PUM3: variants seen among roughly 807,000 people sequenced by gnomAD.
PUM3 encodes pumilio RNA binding family member 3, also known as pumilio homolog 3.
In PUM3, 91 loss-of-function variants were observed where a neutral mutation model predicts 84.0. The observed-to-expected ratio is 1.08, with a 90% CI of 0.91 to 1.29. The LOEUF (loss-of-function observed/expected upper bound fraction) is 1.29, where lower values mean the gene tolerates loss of function less well. Ranked by LOEUF, PUM3 falls within the 50% of genes most tolerant of loss-of-function variation. The pLI is 0.00. For synonymous variants in PUM3, 321 were observed against 266.7 expected (o/e 1.20, Z -1.98); for missense variants, 1,067 against 767.5 (o/e 1.39, Z -4.61).
intron 17 of PUM3, among the ~76,000 whole-genome samples, chr9:2,806,996 C>A (rs1821271985): frequency 6.6e-6 from 1 of 151,858 alleles, no homozygotes; most frequent in South Asian, 2.1e-4. Context: ...ATCACGAGGT[C>A]AGGAGATCGA....
intron 1 of PUM3, among the ~76,000 whole-genome samples, chr9:2,842,390 G>A (rs953320550): frequency 6.6e-6 from 1 of 152,072 alleles, no homozygotes; most frequent in Admixed American, 6.5e-5. Context: ...TCAGGAAAAA[G>A]TTCCAACTCA....
Position 2,814,364 on chromosome 9 carries a change from T to C in PUM3, c.1270-2002A>G, listed in dbSNP as rs1208358316. ...GTAGCTGGGACTATAGGCTGCACTA[T>C]GACACCCAGCTTATTTTTGTATTTT... On this transcript the variant is annotated intron_variant, in intron 13 of 17. Transcript: ENST00000397885. Among the ~76,000 whole-genome samples the C allele has an allele frequency of 3.3e-5, 5 of 152,084 alleles. No homozygotes were observed. The South Asian group carries it at 8.3e-4, about 25-fold the overall frequency.
In PUM3 at chr9:2,811,514, C is replaced by G. The variant is rs1046579222; in HGVS notation, c.1482G>C (p.Leu494=). The change falls in exon 15 of 18, where the codon CTG becomes CTC. Residue 494 remains leucine (L), a synonymous_variant. Transcript: ENST00000397885. ...GCACCACTTCTTGGGCGTGTTCTTG[C>G]AGGTAGCTTAACAAAGCTGGAGAAA... ...ESISPALLSY[L]QEHAQEVVLD... is the part of the protein sequence containing the mutation. 1 of 1,614,164 alleles carries G rather than the reference C, an allele frequency of 6.2e-7. No individual in the cohort carries two copies. Among genetic ancestry groups the G allele is most frequent in the Admixed American group, 1.7e-5 (1 of 60,022 alleles).
intron 13 of PUM3, among the ~76,000 whole-genome samples, chr9:2,816,840 A>T (rs1323368458): frequency 2.0e-5 from 3 of 152,232 alleles, no homozygotes; most frequent in African/African-American, 7.2e-5. Context: ...TGCTGATTAC[A>T]CTAGAGCTTA....
chr9:2,818,814 C>G (rs1391939343), intron 13 of PUM3, among the ~76,000 whole-genome samples: 1 of 152,184 alleles, frequency 6.6e-6, no homozygotes, highest in Non-Finnish European at 1.5e-5. Context: ...AATTCACACA[C>G]ACTGGGACCT....
intron 13 of PUM3, among the ~76,000 whole-genome samples, chr9:2,815,729 T>G (rs1024137534): frequency 3.3e-5 from 5 of 152,196 alleles, no homozygotes. Flanking sequence ...TAAAGCTAGC[T>G]GAGTCATGAG....
intron 10 of PUM3, 88 bp from the exon 11 acceptor site, chr9:2,824,903 G>A (rs878957331): frequency 1.2e-6 from 1 of 809,832 alleles, no homozygotes; most frequent in South Asian, 3.4e-5. Context: ...GGGCAGTTAT[G>A]CAGAGAGAAG....
At chr9:2,842,712 G>A (rs1279258279) in intron 1 of PUM3, among the ~76,000 whole-genome samples, 1 of 151,916 alleles carries the variant, frequency 6.6e-6, no homozygotes, top group East Asian at 1.9e-4. Flanking sequence ...ACTTCTCCTT[G>A]GGGTCCAAAC....
chr9:2,824,832 G>A lies in PUM3; in HGVS notation c.1036-17C>T, dbSNP rs1164121166. 3.4e-6 allele frequency: 5 copies of A among 1,492,496 alleles called. No individual in the cohort carries two copies. The highest frequency in any genetic ancestry group is 1.9e-5 in the Admixed American group (1 of 52,632). The allele number at this position is 1,492,496 out of a possible 1,614,324, so 92.5% of individuals were successfully genotyped here. On this transcript the variant is annotated splice_polypyrimidine_tract_variant and intron_variant, in intron 10 of 17. Transcript: ENST00000397885. ...AATCATTTCCTAGGGAACAAATGCT[G>A]TCAGGAACAGGGCTCTGCTTTATTT...
Position 2,824,771 on chromosome 9 carries a change from G to A in PUM3, c.1080C>T (p.His360=), listed in dbSNP as rs1815763814. ...AIREAVVYLA[H]THDGARVAMH... is the part of the protein sequence containing the mutation. ...TGGCCACTCTGGCGCCATCGTGTGT[G>A]TGTGCCAGGTAGACCACCGCTTCGC... The change falls in exon 11 of 18, where the codon CAC becomes CAT. Residue 360 remains histidine, a synonymous_variant. Coordinates refer to ENST00000397885, the MANE Select transcript of PUM3 (RefSeq NM_014878.5). 5.0e-6 allele frequency: 8 copies of A among 1,587,432 alleles called. No homozygotes were observed. Among genetic ancestry groups the A allele is most frequent in the Non-Finnish European group, 6.0e-6 (7 of 1,162,818 alleles).
At chr9:2,804,977 T>C (rs117151807) in intron 17 of PUM3, among the ~76,000 whole-genome samples, 1,776 of 152,268 alleles carry the variant, frequency 0.012, 26 homozygotes, top group Middle Eastern at 0.048. Context: ...AGCACTAACA[T>C]TGAGTGAAAG....
rs190147284 is a variant in PUM3, at chr9:2,823,810, T to A, written c.1159A>T (p.Met387Leu). Residue 387 changes from methionine (M) to leucine (L), a missense_variant, in exon 12 of 18, where the codon ATG becomes TTG. Met to Leu is a conservative substitution (Grantham distance 15, BLOSUM62 2). Coordinates refer to ENST00000397885, the MANE Select transcript of PUM3 (RefSeq NM_014878.5). ...PKDRKVIVKT[M>L]KTYVEKVANG... ...GCCACCTTTTCAACATAAGTCTTCA[T>A]TGTTTTCACAATCACTTTCCTGTCC... The A allele has an allele frequency of 2.6e-6, 4 of 1,529,632 alleles. No individual in the cohort carries two copies. The highest frequency in any genetic ancestry group is 3.6e-6 in the Non-Finnish European group (4 of 1,120,176). The allele number at this position is 1,529,632 out of a possible 1,614,324, so 94.8% of individuals were successfully genotyped here.
At chr9:2,806,905 G>C (rs1371014483) in intron 17 of PUM3, among the ~76,000 whole-genome samples, 3 of 152,106 alleles carry the variant, frequency 2.0e-5, no homozygotes, top group Non-Finnish European at 4.4e-5. Context: ...AGGGATGTAA[G>C]TTATTCATTA....
chr9:2,841,840 CAG>C (rs1816274995), intron 1 of PUM3, among the ~76,000 whole-genome samples: 1 of 152,098 alleles, frequency 6.6e-6, no homozygotes, highest in African/African-American at 2.4e-5. Flanking sequence ...GAAATGCTGG[CAG>C]ATTTATTAAA....
chr9:2,843,040 T>C (rs923305120), intron 1 of PUM3, among the ~76,000 whole-genome samples: 2 of 152,192 alleles, frequency 1.3e-5, no homozygotes, highest in African/African-American at 4.8e-5. Context: ...ATACAATCTC[T>C]TGAGCTTCCA....
intron 1 of PUM3, among the ~76,000 whole-genome samples, chr9:2,842,456 A>T (rs1446349728): frequency 6.6e-6 from 1 of 152,204 alleles, no homozygotes; most frequent in Non-Finnish European, 1.5e-5. Flanking sequence ...TCACCACCAC[A>T]CAGGAGCCAC....
chr9:2,836,924 C>A (rs1314547763), intron 3 of PUM3, among the ~76,000 whole-genome samples: 1 of 152,076 alleles, frequency 6.6e-6, no homozygotes. Flanking sequence ...TATTGAGGTT[C>A]CACTGTATAA....
At chr9:2,810,707 G>A (rs943470761) in intron 15 of PUM3, among the ~76,000 whole-genome samples, 3 of 152,198 alleles carry the variant, frequency 2.0e-5, no homozygotes, top group Non-Finnish European at 2.9e-5. Flanking sequence ...CTGAACAGTA[G>A]CAGCACAAGG....
In PUM3 at chr9:2,812,300, G is replaced by C; in HGVS notation, c.1332C>G (p.Tyr444Ter). The C allele has an allele frequency of 6.2e-7, 1 of 1,604,304 alleles. No individual in the cohort carries two copies. The highest frequency in any genetic ancestry group is 8.5e-7 in the Non-Finnish European group (1 of 1,171,164). ...NDKYGRKVLL[Y>*]LLSPRDPAHT... Reference sequence around the variant, plus strand: ...GTGCAGGATCTCTGGGGCTTAGTAAGTACAATAGGACCTTCCTTCCATATT... The same window carrying C: ...GTGCAGGATCTCTGGGGCTTAGTAACTACAATAGGACCTTCCTTCCATATT... The change falls in exon 14 of 18, where the codon TAC (tyrosine) becomes TAG (stop). Residue 444 changes from tyrosine to a stop codon, truncating the protein, a stop_gained. Transcript: ENST00000397885. LOFTEE classifies it high-confidence loss of function.
Sources: gnomAD v4.1 joint callset for allele counts (sites outside exome capture counted in the v4.1 genomes callset) on GRCh38, gnomAD v4.1.1 for gene constraint, MANE v1.5 for transcripts, NCBI Gene and HGNC (gene_info 2026-07-23, HGNC 2026-07-21) for gene names.